The following KMO variants were observed in gnomAD, a reference collection of about 807,000 sequenced individuals.
KMO encodes kynurenine 3-monooxygenase.
In KMO, 24 loss-of-function variants were observed where a neutral mutation model predicts 57.8. The observed-to-expected ratio is 0.42, with a 90% confidence interval of 0.30 to 0.58. The LOEUF is 0.58. Among genes scored for constraint, KMO ranks in the 20% least tolerant of loss-of-function variants. KMO has a pLI of 0.22. For synonymous variants in KMO, 210 were observed against 193.6 expected (o/e 1.08, Z -0.70); for missense variants, 483 against 588.2 (o/e 0.82, Z 1.85).
At position 241,560,714 on chromosome 1, in the gene KMO, G is replaced by T; in HGVS notation, c.411G>T (p.Leu137Phe). The change falls in exon 6 of 15, where the codon TTG becomes TTT. Residue 137 changes from leucine (L) to phenylalanine (F), a missense_variant. By Grantham distance (22) the Leu-to-Phe change is conservative. Coordinates refer to ENST00000366559, the MANE Select transcript of KMO (RefSeq NM_003679.5). ...AAATGCACTTTAACCACAGGCTGTT[G>T]AAATGTAATCCAGAGGAAGGAATGA... ...NVKMHFNHRL[L>F]KCNPEEGMIT... is the part of the protein sequence containing the mutation. 1 of 1,613,832 alleles carries T rather than the reference G, an allele frequency of 6.2e-7. No homozygotes were observed. Among genetic ancestry groups the T allele is most frequent in the Non-Finnish European group, 8.5e-7 (1 of 1,179,728 alleles).
chr1:241,549,316 AAG>A (rs1375636394), intron 2 of KMO, among the ~76,000 whole-genome samples: 2 of 151,064 alleles, frequency 1.3e-5, no homozygotes, highest in Non-Finnish European at 3.0e-5. Context: ...GAAAGAGAGA[AAG>A]AGCAAGAAAG....
At chr1:241,552,234 C>T (rs565506679) in intron 4 of KMO, among the ~76,000 whole-genome samples, 1 of 151,756 alleles carries the variant, frequency 6.6e-6, no homozygotes, top group Admixed American at 6.6e-5. Flanking sequence ...AGAGTGAAAG[C>T]GTTGGTGTGA....
intron 10 of KMO, among the ~76,000 whole-genome samples, chr1:241,571,359 T>C (rs2147969717): frequency 6.6e-6 from 1 of 152,222 alleles, no homozygotes; most frequent in East Asian, 1.9e-4. Flanking sequence ...TCTTGTTCCA[T>C]ATTTTAGAGG....
chr1:241,533,588 A>C (rs1449049225), intron 1 of KMO, among the ~76,000 whole-genome samples: 2 of 152,236 alleles, frequency 1.3e-5, no homozygotes, highest in Non-Finnish European at 2.9e-5. Context: ...GCTTGTGTCC[A>C]ATCTGTCCTA....
chr1:241,594,197 G>A lies in KMO; in HGVS notation c.*2044G>A, dbSNP rs537850817. ...AAGATGATGATGTTAGATGCCCATC[G>A]TGTGCCACAAGTGGTTTTTTCATTA... On this transcript the variant is annotated 3_prime_UTR_variant, in exon 15 of 15. Transcript: ENST00000366559. 6.6e-4 allele frequency: 293 copies of A among 444,172 alleles called. 1 individual carries two copies. Among genetic ancestry groups the A allele is most frequent in the African/African-American group, 5.4e-3 (268 of 50,030 alleles). The allele number at this position is 444,172 out of a possible 1,614,324, so 27.5% of individuals were successfully genotyped here. A position where few individuals can be genotyped will look rare whatever the true frequency, so the allele number is the denominator to read the frequency against.
At position 241,548,902 on chromosome 1, in the gene KMO, C is replaced by T. The variant is rs535381265; in HGVS notation, c.124+4C>T. ...GATGTATATGAAGCTAGGGAAGGTA[C>T]GTCCATGGTGAAAAAAGCAGGATGA... On this transcript the variant is annotated splice_donor_region_variant and intron_variant, in intron 2 of 14. Transcript: ENST00000366559. 15 of 1,597,278 alleles carry T rather than the reference C, an allele frequency of 9.4e-6. No individual in the cohort carries two copies. Among genetic ancestry groups the T allele is most frequent in the African/African-American group, 6.7e-5 (5 of 74,346 alleles).
At chr1:241,578,940 T>C (rs911336032) in intron 10 of KMO, among the ~76,000 whole-genome samples, 21 of 152,074 alleles carry the variant, frequency 1.4e-4, no homozygotes, top group African/African-American at 4.8e-4. Flanking sequence ...TTTTCCCTTA[T>C]AAAACCATCA....
chr1:241,575,654 T>G (rs2147973792), intron 10 of KMO, among the ~76,000 whole-genome samples: 1 of 152,210 alleles, frequency 6.6e-6, no homozygotes, highest in South Asian at 2.1e-4. Context: ...GATTTTGATG[T>G]TTTAAAATTT....
In KMO at chr1:241,588,833, G is replaced by A. The variant is rs1033611188; in HGVS notation, c.1098+3G>A. On this transcript the variant is annotated splice_donor_region_variant and intron_variant, in intron 12 of 14. Transcript: ENST00000366559. ...TATCCATGTACAATTACATAGAGGT[G>A]AGTGAGAAGGTTTGGCTTTATTCCA... 2 of 1,605,648 alleles carry A rather than the reference G, an allele frequency of 1.2e-6. No homozygotes were observed. The highest frequency in any genetic ancestry group is 2.7e-5 in the African/African-American group (2 of 74,746).
intron 7 of KMO, among the ~76,000 whole-genome samples, chr1:241,563,919 C>A (rs1298796938): frequency 6.6e-6 from 1 of 152,032 alleles, no homozygotes; most frequent in Non-Finnish European, 1.5e-5. Context: ...GAGTTGGGGG[C>A]AAGAGATTGG....
chr1:241,576,116 C>T (rs1398144538), intron 10 of KMO, among the ~76,000 whole-genome samples: 1 of 150,514 alleles, frequency 6.6e-6, no homozygotes, highest in African/African-American at 2.4e-5. Flanking sequence ...CATGGAGTAT[C>T]TTTTTACACC....
intron 6 of KMO, 114 bp downstream of exon 6, chr1:241,560,866 CATCCAAATAGTTT>C (rs1157378706): frequency 1.4e-6 from 1 of 736,104 alleles, no homozygotes; most frequent in Non-Finnish European, 2.4e-6. Flanking sequence ...TTGAAAGGAT[CATCCAAATAGTTT>C]CTAGATTCAA....
At chr1:241,544,115 G>A (rs1007922409) in intron 1 of KMO, among the ~76,000 whole-genome samples, 1 of 152,102 alleles carries the variant, frequency 6.6e-6, no homozygotes, top group African/African-American at 2.4e-5. Context: ...ATGGATGAAT[G>A]GATTTCTTGC....
At chr1:241,562,443 T>A in intron 7 of KMO, 111 bp downstream of exon 7, 1 of 1,026,620 alleles carries the variant, frequency 9.7e-7, no homozygotes, top group Non-Finnish European at 1.5e-6. Flanking sequence ...TTTTGAGGCC[T>A]ATCACAAGAA....
At chr1:241,543,313 C>T (rs780379625) in intron 1 of KMO, among the ~76,000 whole-genome samples, 2 of 152,074 alleles carry the variant, frequency 1.3e-5, no homozygotes, top group Non-Finnish European at 2.9e-5. Flanking sequence ...CATGTATACA[C>T]GTACATATGA....
chr1:241,558,000 T>C (rs1661703534), intron 5 of KMO, among the ~76,000 whole-genome samples: 2 of 152,206 alleles, frequency 1.3e-5, no homozygotes, highest in South Asian at 4.1e-4. Context: ...GCATAACCCT[T>C]TCAACAACTC....
intron 1 of KMO, 147 bp downstream of exon 1, chr1:241,532,645 T>A (rs3765804): frequency 0.045 from 26,425 of 580,812 alleles, 1,102 homozygotes; most frequent in East Asian, 0.15. Flanking sequence ...TTTATTTTTT[T>A]AATATTTTTA....
intron 5 of KMO, among the ~76,000 whole-genome samples, chr1:241,556,688 G>C (rs1375630504): frequency 1.3e-5 from 2 of 152,086 alleles, no homozygotes; most frequent in Non-Finnish European, 2.9e-5. Flanking sequence ...GACCAGCCTG[G>C]CCAATATGGT....
At chr1:241,541,062 AAAG>A (rs994084077) in intron 1 of KMO, among the ~76,000 whole-genome samples, 6 of 152,170 alleles carry the variant, frequency 3.9e-5, no homozygotes, top group African/African-American at 1.2e-4. Flanking sequence ...CCCTGTCTAA[AAAG>A]AAAATAAAAA....
Sources: gnomAD v4.1 joint callset for allele counts (sites outside exome capture counted in the v4.1 genomes callset) on GRCh38, gnomAD v4.1.1 for gene constraint, MANE v1.5 for transcripts, NCBI Gene and HGNC (gene_info 2026-07-23, HGNC 2026-07-21) for gene names.